The following EP400 variants were observed in gnomAD, a reference collection of about 807,000 sequenced individuals.
EP400 encodes the protein E1A-binding protein p400.
In EP400, 105 loss-of-function variants were observed where a neutral mutation model predicts 354.1. That is an observed-to-expected ratio of 0.30 (90% CI 0.25 to 0.35). EP400 has a LOEUF of 0.35. Ranked by LOEUF, EP400 falls within the 10% of genes least tolerant of loss-of-function variation. The probability of loss-of-function intolerance (pLI) is 1.00; values close to 1 mark genes in which losing one functional copy is unlikely to be tolerated. For synonymous variants in EP400, 1,646 were observed against 1,716.9 expected (o/e 0.96, Z 1.02); for missense variants, 3,280 against 4,121.0 (o/e 0.80, Z 5.59).
chr12:131,987,039 G>A (rs943984336), intron 6 of EP400, among the ~76,000 whole-genome samples: 4 of 152,164 alleles, frequency 2.6e-5, no homozygotes, highest in African/African-American at 9.7e-5. Flanking sequence ...GCTTTCATAT[G>A]GGCAGTAGAC....
chr12:132,016,578 G>A (rs1566188471), intron 19 of EP400, among the ~76,000 whole-genome samples: 1 of 151,998 alleles, frequency 6.6e-6, no homozygotes, highest in Non-Finnish European at 1.5e-5. Context: ...TACCATGTTG[G>A]CCAGGCTGGT....
At chr12:131,977,146 TG>T (rs1328695082) in intron 2 of EP400, among the ~76,000 whole-genome samples, 2 of 152,324 alleles carry the variant, frequency 1.3e-5, no homozygotes, top group East Asian at 3.9e-4. Flanking sequence ...TTTTTGTTTT[TG>T]TTTTTTTGAG....
In EP400 at chr12:131,985,629, C is replaced by T. The variant is rs531005224; in HGVS notation, c.1930-885C>T. On this transcript the variant is annotated intron_variant, in intron 5 of 52. Transcript: ENST00000389561. ...GAGGAGGACTTTTCTTTTTTTGAGA[C>T]GGAGTTTTGCTCTTGTTCCCCATGC... Among the ~76,000 whole-genome samples the T allele has an allele frequency of 5.9e-5, 9 of 152,220 alleles. No homozygotes were observed. The East Asian group carries it at 9.7e-4, about 16-fold the overall frequency.
intron 13 of EP400, among the ~76,000 whole-genome samples, chr12:132,005,773 A>G (rs915787432): frequency 6.6e-6 from 1 of 152,034 alleles, no homozygotes; most frequent in African/African-American, 2.4e-5. Context: ...TTGGTGATAG[A>G]CGGGAGATCC....
In EP400 at chr12:132,067,552, G is replaced by A. The variant is rs1895932182; in HGVS notation, c.8874+66G>A. The A allele has an allele frequency of 1.3e-6, 2 of 1,573,942 alleles. No individual in the cohort carries two copies. The highest frequency in any genetic ancestry group is 1.7e-6 in the Non-Finnish European group (2 of 1,164,260). On this transcript the variant is annotated intron_variant, in intron 50 of 52. Coordinates refer to ENST00000389561, the MANE Select transcript of EP400 (RefSeq NM_015409.5). The surrounding 1 kb of genome is among the most constrained non-coding windows in gnomAD (Gnocchi z 5.3). ...AGCCAAAGCTGGCTGCTGGAGGAGA[G>A]GGTCCTAAGCAGACAAATCCCCATG...
At chr12:132,011,818 A>G (rs1373296231) in intron 16 of EP400, among the ~76,000 whole-genome samples, 184 bp downstream of exon 16, 3 of 152,210 alleles carry the variant, frequency 2.0e-5, no homozygotes, top group Non-Finnish European at 4.4e-5. Flanking sequence ...CGGCCTGGCC[A>G]TTCCTTGTGA....
intron 30 of EP400, among the ~76,000 whole-genome samples, chr12:132,035,423 T>C (rs1309284209): frequency 6.6e-6 from 1 of 152,192 alleles, no homozygotes; most frequent in Non-Finnish European, 1.5e-5. Context: ...AATACACTGC[T>C]TAGGGAGGAC....
chr12:131,980,879 G>A (rs1230053605), intron 3 of EP400, among the ~76,000 whole-genome samples: 1 of 152,138 alleles, frequency 6.6e-6, no homozygotes, highest in Non-Finnish European at 1.5e-5. Flanking sequence ...AAGGAAAAAC[G>A]CCTAGAAATG....
At chr12:132,062,773 C>A in intron 47 of EP400, 72 bp downstream of exon 47, 1 of 1,575,774 alleles carries the variant, frequency 6.3e-7, no homozygotes, top group Non-Finnish European at 8.7e-7. Context: ...TGAGACGGTG[C>A]CTGCTTGCAT....
chr12:131,963,012 A>G (rs752049751), intron 2 of EP400, among the ~76,000 whole-genome samples: 1 of 152,168 alleles, frequency 6.6e-6, no homozygotes, highest in African/African-American at 2.4e-5. Context: ...TTGTTTTTCA[A>G]CAGGTTTATA....
At chr12:132,059,129 C>A (rs572554330) in intron 45 of EP400, among the ~76,000 whole-genome samples, 2 of 152,166 alleles carry the variant, frequency 1.3e-5, no homozygotes, top group Non-Finnish European at 2.9e-5. Context: ...AAATAGGATT[C>A]ACTGAAGTCA....
intron 15 of EP400, among the ~76,000 whole-genome samples, chr12:132,010,085 CTTTTTT>C (rs771764984): frequency 4.5e-4 from 60 of 134,584 alleles, no homozygotes; most frequent in Non-Finnish European, 7.6e-4. Flanking sequence ...GAGGTTGTGT[CTTTTTT>C]TTTTTTTTTT....
At chr12:131,970,609 T>C (rs1160875731) in intron 2 of EP400, among the ~76,000 whole-genome samples, 2 of 152,182 alleles carry the variant, frequency 1.3e-5, no homozygotes, top group African/African-American at 4.8e-5. Flanking sequence ...GAGCACCCAG[T>C]GCAAAGCAGA....
rs764316896 is a variant in EP400, at chr12:132,076,496, CT to C, written c.9022-13del. The C allele has an allele frequency of 1.2e-6, 2 of 1,613,300 alleles. No homozygotes were observed. Among genetic ancestry groups the C allele is most frequent in the South Asian group, 1.1e-5 (1 of 91,020 alleles). On this transcript the variant is annotated intron_variant, in intron 51 of 52. Coordinates refer to ENST00000389561, the MANE Select transcript of EP400 (RefSeq NM_015409.5). ...ATACTCCTTTGAATTGTATGTTTGGCTTTTTTTGTTTTGTCAAAGGTTGCAA... is the reference window on the plus strand; with the variant it reads ...ATACTCCTTTGAATTGTATGTTTGGCTTTTTTGTTTTGTCAAAGGTTGCAA...
intron 2 of EP400, among the ~76,000 whole-genome samples, chr12:131,964,209 G>A (rs936160499): frequency 7.2e-5 from 11 of 152,188 alleles, no homozygotes; most frequent in Non-Finnish European, 1.3e-4. Context: ...ACTCACGCCT[G>A]TAATCCCAGC....
intron 51 of EP400, 120 bp downstream of exon 51, chr12:132,069,761 AGG>A: frequency 1.4e-6 from 2 of 1,440,726 alleles, no homozygotes; most frequent in Non-Finnish European, 1.9e-6. Context: ...GGTGCACTGG[AGG>A]GAAGTGTTGT....
Position 132,076,561 on chromosome 12 carries a change from A to C in EP400, c.9067A>C (p.Ser3023Arg). The C allele has an allele frequency of 6.2e-7, 1 of 1,613,116 alleles. No individual in the cohort carries two copies. The part of the protein sequence containing the change: ...QVVQQQTPVA[S>R]IQQVASASQQ... ...TGTTCAACAGCAAACACCCGTGGCC[A>C]GCATCCAGCAAGTTGCCTCTGCTTC... is the stretch of plus-strand genomic sequence containing the variant. Residue 3023 changes from serine to arginine, a missense_variant, in exon 52 of 53, where the codon AGC (serine) becomes CGC (arginine). By Grantham distance (110) the Ser-to-Arg change is moderately radical. Coordinates refer to ENST00000389561, the MANE Select transcript of EP400 (RefSeq NM_015409.5).
rs554316162 is a variant in EP400 at position 132,014,946 on chromosome 12, GCCTCAT to G, written c.3923+1038_3923+1043del. The stretch of plus-strand genomic sequence containing the variant: ...CCCCGTCCTGGGTCTCCCTCTCTGT[GCCTCAT>G]CCTCTGCTCTGGGTCTCCTTCTCTG... On this transcript the variant is annotated intron_variant, in intron 19 of 52. Coordinates refer to ENST00000389561, the MANE Select transcript of EP400 (RefSeq NM_015409.5). Among the ~76,000 whole-genome samples, 15 of 152,276 alleles carry G rather than the reference GCCTCAT, an allele frequency of 9.9e-5. No individual in the cohort carries two copies. The East Asian group carries it at 2.9e-3, about 29-fold the overall frequency.
chr12:131,985,563 A>G (rs1048149986), intron 5 of EP400, among the ~76,000 whole-genome samples: 6 of 152,314 alleles, frequency 3.9e-5, no homozygotes, highest in Non-Finnish European at 8.8e-5. Flanking sequence ...GAGTCGCAGC[A>G]GTTCTCTGTG....
Sources: allele counts gnomAD v4.1 joint callset (sites outside exome capture counted in the v4.1 genomes callset), GRCh38; gene constraint gnomAD v4.1.1; non-coding constraint Gnocchi (gnomAD v3.1); transcripts MANE v1.5; gene names NCBI Gene and HGNC (gene_info 2026-07-23, HGNC 2026-07-21).